HEATR5A: variants seen among roughly 807,000 people sequenced by gnomAD.
HEATR5A encodes the protein HEAT repeat-containing protein 5A.
In HEATR5A, 178 loss-of-function variants were observed where a neutral mutation model predicts 218.8. The observed-to-expected ratio is 0.81, with a 90% CI of 0.72 to 0.92. The LOEUF (loss-of-function observed/expected upper bound fraction) is 0.92. Ranked by LOEUF, HEATR5A falls within the 40% of genes least tolerant of loss-of-function variation. HEATR5A has a pLI of 0.00. For synonymous variants in HEATR5A, 864 were observed against 871.6 expected (o/e 0.99, Z 0.15); for missense variants, 2,420 against 2,418.9 (o/e 1.00, Z -0.01).
chr14:31,340,429 A>G (rs1275931162), intron 21 of HEATR5A: 4 of 1,285,366 alleles, frequency 3.1e-6, no homozygotes, highest in Non-Finnish European at 4.1e-6. Context: ...AAAAGTTAGG[A>G]ATCAAGGGTC....
In HEATR5A at chr14:31,307,939, G is replaced by A; in HGVS notation, c.4772C>T (p.Ala1591Val). Residue 1591 changes from alanine to valine, a missense_variant, in exon 30 of 36, where the codon GCA (alanine) becomes GTA (valine). Physicochemically the swap from Ala to Val is moderately conservative, Grantham distance 64. Coordinates refer to ENST00000543095, the MANE Select transcript of HEATR5A (RefSeq NM_015473.4). ...TCTGGGCCAAGGTACATCTAGAAGT[G>A]CTTGCAATGCATGTAAACAAGCAGT... ...SITACLHALQ[A>V]LLDVPWPRSK... 2 of 1,613,822 alleles carry A rather than the reference G, an allele frequency of 1.2e-6. No individual in the cohort carries two copies. The highest frequency in any genetic ancestry group is 1.7e-6 in the Non-Finnish European group (2 of 1,179,822).
rs181683710 is a variant in HEATR5A, at chr14:31,413,521, C to A, written c.-75+6951G>T. Among the ~76,000 whole-genome samples, 41 of 151,568 alleles carry A rather than the reference C, an allele frequency of 2.7e-4. 1 individual carries two copies. Among genetic ancestry groups the A allele is most frequent in the Admixed American group, 2.7e-3 (41 of 15,186 alleles). On this transcript the variant is annotated intron_variant, in intron 1 of 35. Coordinates refer to ENST00000543095, the MANE Select transcript of HEATR5A (RefSeq NM_015473.4). ...ATAACTGTGTGTAGCAATTCTCCTT[C>A]CAGATTACAAAAGAGAACACCCCGG...
At chr14:31,350,459 G>A (rs149276003) in intron 17 of HEATR5A, among the ~76,000 whole-genome samples, 153 bp downstream of exon 17, 1,946 of 152,190 alleles carry the variant, frequency 0.013, 48 homozygotes, top group African/African-American at 0.044. Flanking sequence ...AAAGTAAAAG[G>A]AGAATTCCAA....
intron 25 of HEATR5A, among the ~76,000 whole-genome samples, chr14:31,318,924 C>T (rs1436554247): frequency 6.6e-6 from 1 of 152,106 alleles, no homozygotes; most frequent in Non-Finnish European, 1.5e-5. Flanking sequence ...CTTTCTGAGG[C>T]CCTGGGTGCT....
intron 33 of HEATR5A, among the ~76,000 whole-genome samples, chr14:31,298,003 G>A (rs1304284119): frequency 2.0e-5 from 3 of 152,136 alleles, no homozygotes; most frequent in Non-Finnish European, 4.4e-5. Flanking sequence ...GCAAGATAAA[G>A]TTCTCCTGGG....
chr14:31,310,152 T>C (rs1362915751), intron 28 of HEATR5A, among the ~76,000 whole-genome samples: 2 of 134,102 alleles, frequency 1.5e-5, no homozygotes, highest in South Asian at 2.2e-4. Context: ...ACATACGCTA[T>C]TTTTTTTTGT....
intron 12 of HEATR5A, 116 bp downstream of exon 12, chr14:31,374,700 T>C: frequency 1.1e-6 from 1 of 907,928 alleles, no homozygotes; most frequent in Non-Finnish European, 1.6e-6. Context: ...CAAAAAAAAA[T>C]CATTAGTGGC....
At position 31,358,831 on chromosome 14, in the gene HEATR5A, A is replaced by G. The variant is rs1901514559; in HGVS notation, c.2236-19T>C. The G allele has an allele frequency of 1.2e-6, 2 of 1,611,660 alleles. No individual in the cohort carries two copies. Among genetic ancestry groups the G allele is most frequent in the Non-Finnish European group, 1.7e-6 (2 of 1,179,050 alleles). ...GCAGGAGCTAAAAGGGAAAAAAAGT[A>G]TATAAGGTTTTAAAATCACTGATCA... On this transcript the variant is annotated intron_variant, in intron 15 of 35. Transcript: ENST00000543095.
chr14:31,310,602 T>C (rs1899713770), intron 28 of HEATR5A, among the ~76,000 whole-genome samples: 1 of 152,114 alleles, frequency 6.6e-6, no homozygotes, highest in African/African-American at 2.4e-5. Flanking sequence ...ATCAAGCCAC[T>C]GCCCTCCAGA....
intron 7 of HEATR5A, among the ~76,000 whole-genome samples, chr14:31,387,774 A>G (rs1287922501): frequency 6.6e-6 from 1 of 152,052 alleles, no homozygotes; most frequent in Non-Finnish European, 1.5e-5. Flanking sequence ...GTTACCCAGG[A>G]TGGTCTCGAT....
In HEATR5A at chr14:31,307,855, C is replaced by T. The variant is rs77654398; in HGVS notation, c.4818+38G>A. ...TGAACATGTTTCTCTTCCTTAAAGA[C>T]TACAGAAGCCTTACAAAAAAAACCC... On this transcript the variant is annotated intron_variant, in intron 30 of 35. Coordinates refer to ENST00000543095, the MANE Select transcript of HEATR5A (RefSeq NM_015473.4). 1,235 of 1,597,450 alleles carry T rather than the reference C, an allele frequency of 7.7e-4. 14 individuals carry two copies. The East Asian group carries it at 0.024, about 31-fold the overall frequency.
chr14:31,320,112 A>T lies in HEATR5A; in HGVS notation c.3969+1387T>A, dbSNP rs114964709. 1,749 of 223,710 alleles carry T rather than the reference A, an allele frequency of 7.8e-3. 30 individuals carry two copies. Among genetic ancestry groups the T allele is most frequent in the African/African-American group, 0.037 (1,620 of 43,210 alleles). 13.9% of individuals were successfully genotyped at this position (223,710 alleles called of 1,614,324 possible). A position where few individuals can be genotyped will look rare whatever the true frequency, so the allele number is the denominator to read the frequency against. On this transcript the variant is annotated intron_variant, in intron 25 of 35. Coordinates refer to ENST00000543095, the MANE Select transcript of HEATR5A (RefSeq NM_015473.4). Reference sequence around the variant, plus strand: ...TATGAAAATTAACCTTTATTTATTTATTTATTTATTTAGAGAAACGTTGTG... The same window carrying T: ...TATGAAAATTAACCTTTATTTATTTTTTTATTTATTTAGAGAAACGTTGTG...
chr14:31,330,367 T>C (rs1210730371), intron 22 of HEATR5A, among the ~76,000 whole-genome samples: 1 of 152,192 alleles, frequency 6.6e-6, no homozygotes, highest in Non-Finnish European at 1.5e-5. Flanking sequence ...TTCCCAAGGC[T>C]GCACAGAGCA....
chr14:31,350,987 G>T (rs1338454029), intron 16 of HEATR5A, among the ~76,000 whole-genome samples: 1 of 151,972 alleles, frequency 6.6e-6, no homozygotes, highest in African/African-American at 2.4e-5. Context: ...CACCATGTTG[G>T]CCAGGCTGGT....
rs773973043 is a variant in HEATR5A at position 31,349,834 on chromosome 14, T to A, written c.2663A>T (p.Asp888Val). The change falls in exon 18 of 36, where the codon GAT becomes GTT. Residue 888 changes from aspartate to valine, a missense_variant. By Grantham distance (152) the Asp-to-Val change is radical. Transcript: ENST00000543095. ...ESWARLAQVV[D>V]DGAFTAGLAQ... ...TAATCCAGCAGTAAAAGCTCCATCA[T>A]CTACCACTTGGGCTAATCTAGCCCA... 3.1e-6 allele frequency: 5 copies of A among 1,613,402 alleles called. No homozygotes were observed. Among genetic ancestry groups the A allele is most frequent in the Non-Finnish European group, 3.4e-6 (4 of 1,179,448 alleles).
rs1289679564 is a variant in HEATR5A, at chr14:31,387,206, G to A, written c.1103C>T (p.Thr368Ile). ...RRCVSFILRT[T>I]IGGLLGEKAQ... ...CTTTTCTCCAAGAAGACCACCTATA[G>A]TAGTTCGAAGAATAAATGAAACACA... The change falls in exon 8 of 36, where the codon ACT becomes ATT. Residue 368 changes from threonine to isoleucine, a missense_variant. Coordinates refer to ENST00000543095, the MANE Select transcript of HEATR5A (RefSeq NM_015473.4). 2 of 1,613,774 alleles carry A rather than the reference G, an allele frequency of 1.2e-6. No individual in the cohort carries two copies. Among genetic ancestry groups the A allele is most frequent in the Non-Finnish European group, 1.7e-6 (2 of 1,179,864 alleles).
At chr14:31,411,901 G>A (rs1452883188) in intron 1 of HEATR5A, among the ~76,000 whole-genome samples, 1 of 151,808 alleles carries the variant, frequency 6.6e-6, no homozygotes, top group African/African-American at 2.4e-5. Flanking sequence ...TCTTGCCCAG[G>A]CTAGAGTGCA....
At chr14:31,417,513 A>C (rs2031492720) in intron 1 of HEATR5A, among the ~76,000 whole-genome samples, 1 of 152,142 alleles carries the variant, frequency 6.6e-6, no homozygotes, top group African/African-American at 2.4e-5. Context: ...TGAACCCGGG[A>C]GGCGGAGCTT....
intron 22 of HEATR5A, among the ~76,000 whole-genome samples, chr14:31,328,024 C>T (rs1470228086): frequency 6.6e-6 from 1 of 152,162 alleles, no homozygotes; most frequent in Non-Finnish European, 1.5e-5. Context: ...CACAATCTCA[C>T]TGCAATCTCT....
Sources: allele counts gnomAD v4.1 joint callset (sites outside exome capture counted in the v4.1 genomes callset), GRCh38; gene constraint gnomAD v4.1.1; transcripts MANE v1.5; gene names NCBI Gene and HGNC (gene_info 2026-07-23, HGNC 2026-07-21).